Variants in GALNT14 observed in about 807,000 individuals in gnomAD.
GALNT14 encodes the protein polypeptide N-acetylgalactosaminyltransferase 14.
Under a neutral mutation model 77.5 loss-of-function variants are expected in GALNT14, and 60 were observed. The ratio of observed to expected loss-of-function variants is 0.77; its 90% confidence interval spans 0.63 to 0.96. GALNT14 has a LOEUF of 0.96. Among genes scored for constraint, GALNT14 ranks in the 40% least tolerant of loss-of-function variants. The pLI is 0.00. For missense variants in GALNT14, 710 were observed against 731.0 expected, an observed-to-expected ratio of 0.97 and a Z score of 0.33; for synonymous variants, 280 against 281.7, an observed-to-expected ratio of 0.99 and a Z score of 0.06.
chr2:31,015,407 T>C (rs568162042), intron 1 of GALNT14, among the ~76,000 whole-genome samples: 1 of 152,036 alleles, frequency 6.6e-6, no homozygotes, highest in African/African-American at 2.4e-5. Context: ...GACAGGAGAA[T>C]TGCAGAAAGA....
chr2:30,904,902 C>T, the GALNT14 span, among the ~76,000 whole-genome samples: 6 of 151,924 alleles, frequency 3.9e-5, no homozygotes, highest in South Asian at 8.3e-4. Flanking sequence ...GGTCCCTGAC[C>T]CCTGACCCCT....
At chr2:31,082,125 A>T (rs938741556) in intron 1 of GALNT14, among the ~76,000 whole-genome samples, 1 of 152,242 alleles carries the variant, frequency 6.6e-6, no homozygotes, top group African/African-American at 2.4e-5. Context: ...TAAGGGACTG[A>T]CCAACAGTCT....
intron 1 of GALNT14, among the ~76,000 whole-genome samples, chr2:31,001,995 T>C (rs918624908): frequency 6.6e-6 from 1 of 152,206 alleles, no homozygotes; most frequent in Admixed American, 6.6e-5. Flanking sequence ...GAAAATTGTT[T>C]ATAATCTGCG....
intron 8 of GALNT14, 111 bp from the exon 9 acceptor site, chr2:30,942,415 C>A (rs1314232579): frequency 8.1e-6 from 6 of 742,878 alleles, no homozygotes; most frequent in Non-Finnish European, 1.4e-5. Context: ...GGAAAGAAAA[C>A]CCCATTGAGG....
the GALNT14 span, among the ~76,000 whole-genome samples, chr2:30,896,432 A>C: frequency 6.6e-6 from 1 of 152,104 alleles, no homozygotes; most frequent in African/African-American, 2.4e-5. Context: ...CTTGAATTTC[A>C]CCTCTACTAC....
At chr2:31,069,199 C>T (rs951316780) in intron 1 of GALNT14, among the ~76,000 whole-genome samples, 8 of 152,144 alleles carry the variant, frequency 5.3e-5, no homozygotes, top group Admixed American at 1.3e-4. Context: ...AAGATGGGAT[C>T]GCCACCTTTA....
rs540663509 is a variant in GALNT14 at position 30,933,430 on chromosome 2, T to C, written c.932-1236A>G. Among the ~76,000 whole-genome samples, 61 of 152,238 alleles carry C rather than the reference T, an allele frequency of 4.0e-4. No individual in the cohort carries two copies. In the Middle Eastern group the frequency reaches 0.017, roughly 42 times the overall value. Reference sequence around the variant, plus strand: ...ATACAGGTATTACAGGGCCTTCGTATCACATGTGTGTCCTGCACCCTGCTC... The same window carrying C: ...ATACAGGTATTACAGGGCCTTCGTACCACATGTGTGTCCTGCACCCTGCTC... On this transcript the variant is annotated intron_variant, in intron 9 of 14. Coordinates refer to ENST00000349752, the MANE Select transcript of GALNT14 (RefSeq NM_024572.4).
intron 4 of GALNT14, among the ~76,000 whole-genome samples, chr2:30,956,436 A>C (rs1001699994): frequency 1.3e-5 from 2 of 152,190 alleles, no homozygotes; most frequent in Non-Finnish European, 2.9e-5. Context: ...AATGTGTAAT[A>C]ATCACATCAT....
At chr2:30,934,691 G>A (rs1384729158) in intron 9 of GALNT14, among the ~76,000 whole-genome samples, 2 of 152,228 alleles carry the variant, frequency 1.3e-5, no homozygotes, top group South Asian at 2.1e-4. Flanking sequence ...CCATTGCCTG[G>A]CCCTGATCCT....
chr2:31,066,379 G>A (rs1334360996), intron 1 of GALNT14, among the ~76,000 whole-genome samples: 4 of 147,032 alleles, frequency 2.7e-5, no homozygotes, highest in South Asian at 2.4e-4. Flanking sequence ...CCACACCACC[G>A]GAGACTCCAG....
the GALNT14 span, among the ~76,000 whole-genome samples, chr2:30,905,266 C>T: frequency 6.6e-6 from 1 of 152,042 alleles, no homozygotes; most frequent in African/African-American, 2.4e-5. Flanking sequence ...TTACTCTGAG[C>T]TACGGGAGGA....
At chr2:30,901,524 CCCTTT>C in the GALNT14 span, among the ~76,000 whole-genome samples, 1 of 150,390 alleles carries the variant, frequency 6.6e-6, no homozygotes, top group South Asian at 2.1e-4. Context: ...TATATAAATT[CCCTTT>C]CCTTTAATAC....
chr2:31,133,051 C>G (rs1196035287), intron 1 of GALNT14, among the ~76,000 whole-genome samples: 1 of 152,138 alleles, frequency 6.6e-6, no homozygotes, highest in Non-Finnish European at 1.5e-5. Context: ...CCCATGATCT[C>G]ATCTCCAACC....
At chr2:31,086,525 T>G (rs1275395885) in intron 1 of GALNT14, among the ~76,000 whole-genome samples, 1 of 152,026 alleles carries the variant, frequency 6.6e-6, no homozygotes, top group South Asian at 2.1e-4. Flanking sequence ...AGAAGTCATA[T>G]GAATGATGTT....
At chr2:31,080,309 A>G (rs1212076314) in intron 1 of GALNT14, among the ~76,000 whole-genome samples, 1 of 152,248 alleles carries the variant, frequency 6.6e-6, no homozygotes, top group Non-Finnish European at 1.5e-5. Flanking sequence ...CATTTTAGAT[A>G]TGTAATGAAT....
At chr2:31,063,927 G>C (rs1021018846) in intron 1 of GALNT14, among the ~76,000 whole-genome samples, 2 of 152,130 alleles carry the variant, frequency 1.3e-5, no homozygotes, top group Admixed American at 1.3e-4. Flanking sequence ...GTAGTACCTA[G>C]GTATATAATT....
In GALNT14 at chr2:30,968,199, A is replaced by T. The variant is rs181380006; in HGVS notation, c.300-1897T>A. On this transcript the variant is annotated intron_variant, in intron 2 of 14. Transcript: ENST00000349752. Reference sequence around the variant, plus strand: ...CACTAGAACAGGGTTTAAGTATACCAGTTGTCCATTGATAGAGAAAGGGAG... The same window carrying T: ...CACTAGAACAGGGTTTAAGTATACCTGTTGTCCATTGATAGAGAAAGGGAG... Among the ~76,000 whole-genome samples the T allele has an allele frequency of 3.3e-5, 5 of 152,328 alleles. No individual in the cohort carries two copies. In the East Asian group the frequency reaches 9.7e-4, roughly 29 times the overall value.
chr2:30,933,461 C>A (rs1391132593), intron 9 of GALNT14, among the ~76,000 whole-genome samples: 1 of 152,152 alleles, frequency 6.6e-6, no homozygotes, highest in Non-Finnish European at 1.5e-5. Context: ...TGCTCTCATT[C>A]CCCTGTCCCC....
In GALNT14 at chr2:30,955,711, A is replaced by G. The variant is rs765699135; in HGVS notation, c.561T>C (p.Ala187=). 1.2e-6 allele frequency: 2 copies of G among 1,614,172 alleles called. No homozygotes were observed. The highest frequency in any genetic ancestry group is 2.2e-5 in the East Asian group (1 of 44,882). ...QGLVRSRIRG[A]DIAQGTTLTF... Reference sequence around the variant, plus strand: ...TCAGAGTGGTGCCCTGGGCGATGTCAGCGCCCCGAATCCGGGACCGGACCA... The same window carrying G: ...TCAGAGTGGTGCCCTGGGCGATGTCGGCGCCCCGAATCCGGGACCGGACCA... Residue 187 remains alanine (A), a synonymous_variant, in exon 6 of 15, where the codon GCT becomes GCC. Transcript: ENST00000349752.
Sources: allele counts gnomAD v4.1 joint callset (sites outside exome capture counted in the v4.1 genomes callset), GRCh38; gene constraint gnomAD v4.1.1; transcripts MANE v1.5; gene names NCBI Gene and HGNC (gene_info 2026-07-23, HGNC 2026-07-21).